TANGO6: variants seen among roughly 807,000 people sequenced by gnomAD.
The protein encoded by TANGO6 is transport and golgi organization 6 homolog.
In TANGO6, 90 loss-of-function variants were observed where a neutral mutation model predicts 114.2. The ratio of observed to expected loss-of-function variants is 0.79; its 90% CI spans 0.66 to 0.94. TANGO6 has a LOEUF of 0.94. Ranked by LOEUF, TANGO6 falls within the 40% of genes least tolerant of loss-of-function variation. TANGO6 has a pLI of 0.00. For synonymous variants in TANGO6, 477 were observed against 509.8 expected, an observed-to-expected ratio of 0.94 and a Z score of 0.87; for missense variants, 1,274 against 1,315.3, an observed-to-expected ratio of 0.97 and a Z score of 0.49.
intron 7 of TANGO6, among the ~76,000 whole-genome samples, chr16:68,889,779 T>C (rs1057439425): frequency 6.6e-6 from 1 of 152,352 alleles, no homozygotes; most frequent in East Asian, 1.9e-4. Flanking sequence ...CAACTTTAGG[T>C]AACTTATTTA....
At position 68,979,809 on chromosome 16, in the gene TANGO6, G is replaced by A. The variant is rs544834117; in HGVS notation, c.2842+5641G>A. 4.7e-5 allele frequency among the ~76,000 whole-genome samples: 7 copies of A among 149,978 alleles called. No homozygotes were observed. In the East Asian group the frequency reaches 5.9e-4, roughly 13 times the overall value. On this transcript the variant is annotated intron_variant, in intron 15 of 17. Coordinates refer to ENST00000261778, the MANE Select transcript of TANGO6 (RefSeq NM_024562.2). ...GTGTGAGAATTACATATTCTAGTCC[G>A]TTGTTTTTTCATTAGGGTATCAATT...
At chr16:69,059,297 C>T (rs1960080889) in intron 17 of TANGO6, among the ~76,000 whole-genome samples, 1 of 152,004 alleles carries the variant, frequency 6.6e-6, no homozygotes, top group South Asian at 2.1e-4. Context: ...GTCTCGAACT[C>T]CTGACCTCAA....
At chr16:68,936,969 G>C (rs1963305303) in intron 14 of TANGO6, among the ~76,000 whole-genome samples, 1 of 152,272 alleles carries the variant, frequency 6.6e-6, no homozygotes, top group African/African-American at 2.4e-5. Context: ...TCTGGCAAAA[G>C]AGCTGAGTGG....
At position 68,974,145 on chromosome 16, in the gene TANGO6, T is replaced by A. The variant is rs776907992; in HGVS notation, c.2819T>A (p.Leu940His). The A allele has an allele frequency of 3.1e-6, 5 of 1,613,952 alleles. No individual in the cohort carries two copies. In the East Asian group the frequency reaches 1.1e-4, roughly 36 times the overall value. ...ACCAGAATGAAAGTCGGGGAAGTCC[T>A]TATGCGAATCGTCAGGGCATTAGGT... ...PETRMKVGEV[L>H]MRIVRALGDM... The change falls in exon 15 of 18, where the codon CTT (leucine) becomes CAT (histidine). Residue 940 changes from leucine to histidine, a missense_variant. Leu to His is a moderately conservative substitution (Grantham distance 99, BLOSUM62 -3). Transcript: ENST00000261778.
At chr16:68,913,516 C>T (rs530428296) in intron 11 of TANGO6, among the ~76,000 whole-genome samples, 2 of 145,594 alleles carry the variant, frequency 1.4e-5, no homozygotes, top group South Asian at 4.3e-4. Context: ...TGAAGCGATT[C>T]TTGTGCCTCA....
At chr16:69,056,609 A>G (rs1960035822) in intron 17 of TANGO6, among the ~76,000 whole-genome samples, 1 of 151,914 alleles carries the variant, frequency 6.6e-6, no homozygotes, top group Non-Finnish European at 1.5e-5. Flanking sequence ...TCCTAAATTC[A>G]TTTACCAAGA....
chr16:68,849,806 T>C (rs1338206596), intron 1 of TANGO6, among the ~76,000 whole-genome samples: 1 of 152,002 alleles, frequency 6.6e-6, no homozygotes, highest in African/African-American at 2.4e-5. Flanking sequence ...ATAGAATGGA[T>C]TTTTTTATTT....
At chr16:68,869,420 G>T (rs1277777682) in intron 4 of TANGO6, among the ~76,000 whole-genome samples, 1 of 152,206 alleles carries the variant, frequency 6.6e-6, no homozygotes, top group Non-Finnish European at 1.5e-5. Context: ...TGTGGCTTTA[G>T]TGAGCCATGA....
intron 7 of TANGO6, among the ~76,000 whole-genome samples, chr16:68,898,884 T>C (rs185593238): frequency 9.9e-5 from 15 of 152,128 alleles, no homozygotes; most frequent in Non-Finnish European, 1.9e-4. Flanking sequence ...GAAATCCTAT[T>C]GTGTTTAATT....
intron 14 of TANGO6, 137 bp from the exon 15 acceptor site, chr16:68,973,888 AAAC>A: frequency 1.0e-6 from 1 of 986,914 alleles, no homozygotes; most frequent in South Asian, 1.6e-5. Flanking sequence ...CTGACTCTCC[AAAC>A]AATAGGCAGC....
chr16:68,866,011 C>A (rs936204101), intron 3 of TANGO6, among the ~76,000 whole-genome samples: 1 of 152,164 alleles, frequency 6.6e-6, no homozygotes, highest in African/African-American at 2.4e-5. Flanking sequence ...ATGCTCCCTC[C>A]CTGTTGTGAA....
rs1482074639 is a variant in TANGO6 at position 68,843,616 on chromosome 16, T to A, written c.-2T>A. ...TCGCGAGCGTGGTGTTACACTCCAG[T>A]CATGGCGGCCCGACAGGCCGTGGGC... On this transcript the variant is annotated 5_prime_UTR_variant, in exon 1 of 18. Transcript: ENST00000261778. The A allele has an allele frequency of 1.2e-6, 2 of 1,613,236 alleles. No homozygotes were observed. The highest frequency in any genetic ancestry group is 8.5e-7 in the Non-Finnish European group (1 of 1,179,556).
At chr16:68,980,433 A>ATTT (rs1170142167) in intron 15 of TANGO6, among the ~76,000 whole-genome samples, 52 of 80,742 alleles carry the variant, frequency 6.4e-4, no homozygotes, top group African/African-American at 2.7e-3. Context: ...ATATATATAT[A>ATTT]TATTTTTTTT....
At chr16:69,006,431 C>A (rs1964092389) in intron 15 of TANGO6, among the ~76,000 whole-genome samples, 1 of 152,024 alleles carries the variant, frequency 6.6e-6, no homozygotes, top group Non-Finnish European at 1.5e-5. Context: ...CTTTCATTCG[C>A]AAAGTTTCAT....
chr16:69,051,220 T>C (rs1266039080), intron 17 of TANGO6, among the ~76,000 whole-genome samples: 1 of 152,202 alleles, frequency 6.6e-6, no homozygotes, highest in African/African-American at 2.4e-5. Flanking sequence ...CATTTTCCAC[T>C]TGTTTTGTTG....
intron 17 of TANGO6, among the ~76,000 whole-genome samples, chr16:69,047,544 C>G (rs1959882606): frequency 1.3e-5 from 2 of 151,832 alleles, no homozygotes; most frequent in Non-Finnish European, 2.9e-5. Flanking sequence ...CCTAATCTTA[C>G]ATTTCCCCTA....
chr16:68,925,810 G>T (rs1044660972), intron 12 of TANGO6, among the ~76,000 whole-genome samples: 3 of 150,536 alleles, frequency 2.0e-5, no homozygotes, highest in Non-Finnish European at 4.4e-5. Flanking sequence ...TCTGTGTCTA[G>T]ATTCATTTTT....
intron 13 of TANGO6, among the ~76,000 whole-genome samples, chr16:68,929,614 T>C (rs1963214460): frequency 1.3e-5 from 2 of 152,224 alleles, no homozygotes; most frequent in South Asian, 2.1e-4. Flanking sequence ...TGTTGGGGCC[T>C]AAACCTAACA....
intron 15 of TANGO6, among the ~76,000 whole-genome samples, chr16:69,012,766 G>GA (rs1964155303): frequency 6.6e-6 from 1 of 152,130 alleles, no homozygotes; most frequent in African/African-American, 2.4e-5. Flanking sequence ...AGGAGACAGA[G>GA]AAATAGTAAT....
Sources: allele counts gnomAD v4.1 joint callset (sites outside exome capture counted in the v4.1 genomes callset), GRCh38; gene constraint gnomAD v4.1.1; transcripts MANE v1.5; gene names NCBI Gene and HGNC (gene_info 2026-07-23, HGNC 2026-07-21).